The following CELF2 variants were observed in gnomAD, a reference collection of about 807,000 sequenced individuals.
CELF2 encodes CUG triplet repeat RNA-binding protein 2.
In CELF2, 8 loss-of-function variants were observed where a neutral mutation model predicts 62.6. That is an observed-to-expected ratio of 0.13 (90% confidence interval 0.07 to 0.23). The LOEUF (loss-of-function observed/expected upper bound fraction) is 0.23, where lower values mean the gene tolerates loss of function less well. CELF2 is among the 10% of genes least tolerant of loss of function. The pLI is 1.00. For synonymous variants in CELF2, 258 were observed against 250.0 expected (o/e 1.03, Z -0.30); for missense variants, 333 against 671.0 (o/e 0.50, Z 5.56).
intron 2 of CELF2, among the ~76,000 whole-genome samples, chr10:10,988,290 T>G (rs751230645): frequency 1.7e-4 from 26 of 149,680 alleles, no homozygotes; most frequent in Non-Finnish European, 2.2e-4. Context: ...TATATATATA[T>G]ATATAGAGAG....
chr10:10,870,602 C>G (rs1247949204), intron 1 of CELF2, among the ~76,000 whole-genome samples: 1 of 152,200 alleles, frequency 6.6e-6, no homozygotes, highest in African/African-American at 2.4e-5. Context: ...TGTTATGACA[C>G]TGAGTCTGAG....
intron 2 of CELF2, among the ~76,000 whole-genome samples, chr10:10,967,371 G>T (rs756396562): frequency 6.6e-6 from 1 of 152,188 alleles, no homozygotes; most frequent in Admixed American, 6.5e-5. Flanking sequence ...TAAGGAGGCC[G>T]CTTTAGACTA....
At chr10:11,031,597 C>T (rs1021782108) in intron 1 of CELF2, among the ~76,000 whole-genome samples, 3 of 152,206 alleles carry the variant, frequency 2.0e-5, no homozygotes, top group Non-Finnish European at 2.9e-5. Flanking sequence ...AGGACACAAG[C>T]GCCATAACCT....
rs1043514951 is a variant in CELF2 at position 11,165,377 on chromosome 10, G to C, written c.75-109G>C. 3.3e-6 allele frequency: 5 copies of C among 1,521,494 alleles called. No individual in the cohort carries two copies. The highest frequency in any genetic ancestry group is 3.5e-6 in the Non-Finnish European group (4 of 1,137,160). 94.2% of individuals were successfully genotyped at this position (1,521,494 alleles called of 1,614,324 possible). On this transcript the variant is annotated intron_variant, in intron 1 of 12. Transcript: ENST00000633077. This position sits in a 1 kb window ranked among gnomAD's most constrained non-coding sequence, Gnocchi z 7.4. ...ACGACTCATTAGGCACTTTGCCACT[G>C]CTCTTCTTCCTCCTCCTTCCGCCTC... is the stretch of plus-strand genomic sequence containing the variant.
In CELF2 at chr10:11,324,021, G is replaced by A. The variant is rs2095595551; in HGVS notation, c.1295-1815G>A. Among the ~76,000 whole-genome samples, 1 of 152,010 alleles carries A rather than the reference G, an allele frequency of 6.6e-6. No individual in the cohort carries two copies. The highest frequency in any genetic ancestry group is 2.1e-4 in the South Asian group (1 of 4,814). ...ATTGGGGGATCTATGTCAAGAGATG[G>A]TGCTGACATTTTTTTCTTGGGAATA... On this transcript the variant is annotated intron_variant, in intron 11 of 12. Transcript: ENST00000633077. The surrounding 1 kb of genome is among the most constrained non-coding windows in gnomAD (Gnocchi z 4.7).
At chr10:10,944,721 C>T (rs956361861) in intron 2 of CELF2, among the ~76,000 whole-genome samples, 2 of 152,030 alleles carry the variant, frequency 1.3e-5, no homozygotes, top group African/African-American at 4.8e-5. Flanking sequence ...CATGCCTCAG[C>T]CTCCCGAGTA....
At chr10:10,852,208 G>A (rs1264135179) in intron 1 of CELF2, among the ~76,000 whole-genome samples, 2 of 152,178 alleles carry the variant, frequency 1.3e-5, no homozygotes, top group African/African-American at 2.4e-5. Context: ...ATGTCCTTCA[G>A]TGTGGATGAT....
At chr10:10,878,060 C>T (rs2061220832) in intron 1 of CELF2, among the ~76,000 whole-genome samples, 1 of 152,196 alleles carries the variant, frequency 6.6e-6, no homozygotes, top group South Asian at 2.1e-4. Context: ...CCTGCCTCTA[C>T]CAGAGCCTGA....
chr10:10,714,775 G>A, the CELF2 span, among the ~76,000 whole-genome samples: 106,459 of 151,952 alleles, frequency 0.7, 37,924 homozygotes, highest in South Asian at 0.83. Context: ...ACATGCTTAC[G>A]GTTGAATTGA....
At chr10:10,744,055 T>C in the CELF2 span, among the ~76,000 whole-genome samples, 1 of 152,176 alleles carries the variant, frequency 6.6e-6, no homozygotes, top group African/African-American at 2.4e-5. Context: ...AATTTTTTCC[T>C]CCAAAGACTC....
At chr10:10,849,623 C>A (rs751123205) in intron 1 of CELF2, among the ~76,000 whole-genome samples, 3 of 152,066 alleles carry the variant, frequency 2.0e-5, no homozygotes, top group Non-Finnish European at 4.4e-5. Flanking sequence ...CAAGGATATT[C>A]CCTTACATAA....
At chr10:10,516,762 G>C in the CELF2 span, among the ~76,000 whole-genome samples, 8 of 148,316 alleles carry the variant, frequency 5.4e-5, no homozygotes, top group Non-Finnish European at 1.2e-4. Flanking sequence ...AAATCACCTT[G>C]GCTGAGTTTG....
chr10:11,166,563 C>T (rs1167076804), intron 2 of CELF2, among the ~76,000 whole-genome samples: 1 of 152,110 alleles, frequency 6.6e-6, no homozygotes, highest in African/African-American at 2.4e-5. Flanking sequence ...GTAATTTTTT[C>T]TTCTTTCTCT....
At chr10:11,114,468 T>C (rs1177102845) in intron 1 of CELF2, among the ~76,000 whole-genome samples, 1 of 152,232 alleles carries the variant, frequency 6.6e-6, no homozygotes. Flanking sequence ...AATAAGGATT[T>C]GTCACAAGCC....
chr10:11,314,693 C>T lies in CELF2; in HGVS notation c.1096+435C>T. 7.3e-6 allele frequency: 2 copies of T among 274,318 alleles called. No individual in the cohort carries two copies. The highest frequency in any genetic ancestry group is 1.4e-5 in the Non-Finnish European group (2 of 139,490). 17.0% of individuals were successfully genotyped at this position (274,318 alleles called of 1,614,324 possible). A position where few individuals can be genotyped will look rare whatever the true frequency, so the allele number is the denominator to read the frequency against. ...AGGCAGATGCTGCTCCCTCTCTGGG[C>T]TTGGGAGTCTCCATTTGAGAATGGA... On this transcript the variant is annotated intron_variant, in intron 10 of 12. Transcript: ENST00000633077. The surrounding 1 kb of genome is among the most constrained non-coding windows in gnomAD (Gnocchi z 5.3).
chr10:10,648,093 A>G, the CELF2 span, among the ~76,000 whole-genome samples: 2 of 152,118 alleles, frequency 1.3e-5, no homozygotes, highest in Non-Finnish European at 2.9e-5. Flanking sequence ...GGATATATGA[A>G]AGTATACGAT....
At chr10:10,686,316 G>GGA in the CELF2 span, among the ~76,000 whole-genome samples, 2 of 70,510 alleles carry the variant, frequency 2.8e-5, no homozygotes, top group African/African-American at 1.1e-4. Flanking sequence ...TTTTTGGGGG[G>GGA]GGGGGTGGGG....
chr10:10,696,377 C>T, the CELF2 span, among the ~76,000 whole-genome samples: 2 of 151,642 alleles, frequency 1.3e-5, no homozygotes, highest in East Asian at 1.9e-4. Flanking sequence ...TCTCCAGCTG[C>T]ATGCTGGGAG....
At chr10:10,537,064 A>G in the CELF2 span, among the ~76,000 whole-genome samples, 3 of 152,172 alleles carry the variant, frequency 2.0e-5, no homozygotes, top group Non-Finnish European at 4.4e-5. Context: ...TGCCGGAGTA[A>G]AATGGTAAGC....
Sources: allele counts gnomAD v4.1 joint callset (sites outside exome capture counted in the v4.1 genomes callset), GRCh38; gene constraint gnomAD v4.1.1; non-coding constraint Gnocchi (gnomAD v3.1); transcripts MANE v1.5; gene names NCBI Gene and HGNC (gene_info 2026-07-23, HGNC 2026-07-21).